Variants in SDK1 observed in about 807,000 individuals in gnomAD.
SDK1 encodes the protein protein sidekick-1.
A neutral mutation model predicts 245.5 loss-of-function variants in SDK1; 157 were observed. The observed-to-expected ratio is 0.64, with a 90% CI of 0.56 to 0.73. The LOEUF is 0.73. Among genes scored for constraint, SDK1 ranks in the 30% least tolerant of loss-of-function variants. The probability of loss-of-function intolerance (pLI) is 0.00; values close to 1 mark genes in which losing one functional copy is unlikely to be tolerated. For synonymous variants in SDK1, 1,647 were observed against 1,278.5 expected, an observed-to-expected ratio of 1.29 and a Z score of -6.15; for missense variants, 3,583 against 3,002.3, an observed-to-expected ratio of 1.19 and a Z score of -4.52.
At chr7:3,830,106 A>G (rs1158296747) in intron 5 of SDK1, among the ~76,000 whole-genome samples, 1 of 152,110 alleles carries the variant, frequency 6.6e-6, no homozygotes, top group Non-Finnish European at 1.5e-5. Context: ...TACACTCCCT[A>G]ATTCCCAGAT....
chr7:3,504,512 A>G (rs1307882631), intron 1 of SDK1, among the ~76,000 whole-genome samples: 1 of 152,150 alleles, frequency 6.6e-6, no homozygotes, highest in Non-Finnish European at 1.5e-5. Context: ...CTTTACATTT[A>G]ATAGTCAATT....
At chr7:3,798,995 A>G (rs561735690) in intron 4 of SDK1, among the ~76,000 whole-genome samples, 1 of 152,174 alleles carries the variant, frequency 6.6e-6, no homozygotes, top group East Asian at 1.9e-4. Flanking sequence ...ATTCTTCTAC[A>G]TTTATTAATT....
chr7:3,403,835 AT>A (rs1454783840), intron 1 of SDK1, among the ~76,000 whole-genome samples: 1 of 51,244 alleles, frequency 2.0e-5, no homozygotes, highest in Non-Finnish European at 3.1e-5. Flanking sequence ...ATATATATAT[AT>A]ATATATATAT....
chr7:4,005,039 CTTTTT>C (rs1162979240), intron 14 of SDK1, among the ~76,000 whole-genome samples: 8 of 91,000 alleles, frequency 8.8e-5, no homozygotes, highest in African/African-American at 3.2e-4. Context: ...GTTCCTGCAC[CTTTTT>C]TTTTTTTTTT....
Position 3,775,732 on chromosome 7 carries a change from G to A in SDK1, c.714-45718G>A, listed in dbSNP as rs575826641. Among the ~76,000 whole-genome samples, 52 of 151,664 alleles carry A rather than the reference G, an allele frequency of 3.4e-4. 1 individual carries two copies. Among genetic ancestry groups the A allele is most frequent in the East Asian group, 2.3e-3 (12 of 5,136 alleles). ...GCTGGGACTACAGGCGCCCGCCACC[G>A]CACCCGGCTAATTTTTTGTATTTTT... On this transcript the variant is annotated intron_variant, in intron 4 of 44. Transcript: ENST00000404826.
At chr7:3,985,636 TAAAAG>T (rs1325776313) in intron 13 of SDK1, among the ~76,000 whole-genome samples, 1 of 152,082 alleles carries the variant, frequency 6.6e-6, no homozygotes, top group Non-Finnish European at 1.5e-5. Context: ...AAAAAATAAA[TAAAAG>T]AAACAAACTA....
chr7:3,763,753 T>G (rs1780171774), intron 4 of SDK1, among the ~76,000 whole-genome samples: 1 of 152,228 alleles, frequency 6.6e-6, no homozygotes, highest in South Asian at 2.1e-4. Flanking sequence ...TATATCTCTA[T>G]CTAGGTGGTG....
intron 1 of SDK1, among the ~76,000 whole-genome samples, chr7:3,454,424 G>GTGTGTGCA (rs1554273966): frequency 1.7e-5 from 2 of 120,218 alleles, no homozygotes; most frequent in African/African-American, 7.2e-5. Context: ...GTGTGTGTGT[G>GTGTGTGCA]CTGTGTACAT....
intron 35 of SDK1, among the ~76,000 whole-genome samples, chr7:4,202,674 A>G (rs1040118388): frequency 2.0e-5 from 3 of 152,264 alleles, no homozygotes; most frequent in Non-Finnish European, 2.9e-5. Flanking sequence ...TTCTCCCTGC[A>G]GAGTTAATTC....
chr7:3,327,405 T>C lies in SDK1; in HGVS notation c.298+25521T>C, dbSNP rs528187298. On this transcript the variant is annotated intron_variant, in intron 1 of 44. Transcript: ENST00000404826. ...CTGGCTGCTTAGCTTTTATTGATTTTATTTATATACAGCTGCTGGAAGCAA... is the reference window on the plus strand; with the variant it reads ...CTGGCTGCTTAGCTTTTATTGATTTCATTTATATACAGCTGCTGGAAGCAA... Among the ~76,000 whole-genome samples the C allele has an allele frequency of 2.6e-5, 4 of 152,280 alleles. No homozygotes were observed. The East Asian group carries it at 7.7e-4, about 29-fold the overall frequency.
chr7:3,900,343 A>G (rs1033469556), intron 5 of SDK1, among the ~76,000 whole-genome samples: 3 of 152,272 alleles, frequency 2.0e-5, no homozygotes, highest in Admixed American at 6.5e-5. Flanking sequence ...ACAGGCTTCA[A>G]TTTCTCTTGC....
intron 14 of SDK1, among the ~76,000 whole-genome samples, chr7:3,991,960 A>T (rs2128141222): frequency 6.6e-6 from 1 of 152,358 alleles, no homozygotes; most frequent in Admixed American, 6.5e-5. Context: ...GCTTAGCAGC[A>T]AGTGCACTAA....
chr7:3,724,788 C>T (rs1778960317), intron 4 of SDK1, among the ~76,000 whole-genome samples: 1 of 152,162 alleles, frequency 6.6e-6, no homozygotes, highest in South Asian at 2.1e-4. Context: ...GGAGGGAGCC[C>T]ACCTACCTCT....
intron 40 of SDK1, among the ~76,000 whole-genome samples, chr7:4,226,886 C>G (rs1322991093): frequency 6.6e-6 from 1 of 151,738 alleles, no homozygotes; most frequent in Admixed American, 6.6e-5. Flanking sequence ...CCAAAGCAGC[C>G]ATGAAATACA....
intron 4 of SDK1, among the ~76,000 whole-genome samples, chr7:3,738,095 T>C (rs556953979): frequency 7.7e-4 from 118 of 152,352 alleles, no homozygotes; most frequent in African/African-American, 2.5e-3. Context: ...GCCTGTCCTT[T>C]TCTTGTTACA....
At chr7:3,610,961 T>G (rs2128642078) in intron 1 of SDK1, among the ~76,000 whole-genome samples, 1 of 152,350 alleles carries the variant, frequency 6.6e-6, no homozygotes, top group Non-Finnish European at 1.5e-5. Context: ...AAATGATGAC[T>G]TTGTGGTGAG....
chr7:3,380,589 G>T (rs1781461533), intron 1 of SDK1, among the ~76,000 whole-genome samples: 1 of 152,230 alleles, frequency 6.6e-6, no homozygotes, highest in Non-Finnish European at 1.5e-5. Flanking sequence ...CAGATGAACA[G>T]TTGCTTAACC....
In SDK1 at chr7:3,301,645, C is replaced by A; in HGVS notation, c.59C>A (p.Pro20His). Residue 20 changes from proline to histidine, a missense_variant, in exon 1 of 45, where the codon CCT becomes CAT. Transcript: ENST00000404826. ...AGGGGGGAEPPERAGPGRPRG... is the reference protein window; with the variant it reads ...AGGGGGGAEPHERAGPGRPRG... ...GGCGGCGGCGGCGGCGCGGAGCCCC[C>A]TGAGCGCGCGGGCCCCGGGCGGCCG... 2 of 977,246 alleles carry A rather than the reference C, an allele frequency of 2.0e-6. No individual in the cohort carries two copies. The highest frequency in any genetic ancestry group is 2.4e-6 in the Non-Finnish European group (2 of 826,554). 60.5% of individuals were successfully genotyped at this position (977,246 alleles called of 1,614,324 possible). A position where few individuals can be genotyped will look rare whatever the true frequency, so the allele number is the denominator to read the frequency against.
intron 17 of SDK1, among the ~76,000 whole-genome samples, chr7:4,033,815 G>C (rs28372090): frequency 0.24 from 36,513 of 152,000 alleles, 6,100 homozygotes; most frequent in African/African-American, 0.49. Context: ...GCTCGGGGGA[G>C]GGGGAAGAGG....
Sources: allele counts gnomAD v4.1 joint callset (sites outside exome capture counted in the v4.1 genomes callset), GRCh38; gene constraint gnomAD v4.1.1; transcripts MANE v1.5; gene names NCBI Gene and HGNC (gene_info 2026-07-23, HGNC 2026-07-21).